The following KIF11 variants were observed in gnomAD, a reference collection of about 807,000 sequenced individuals.
The protein encoded by KIF11 is kinesin family member 11.
KIF11 carries 9 observed loss-of-function variants against 121.0 expected under a neutral mutation model. The ratio of observed to expected loss-of-function variants is 0.07; its 90% CI spans 0.04 to 0.13. The LOEUF is 0.13. KIF11 is among the 10% of genes least tolerant of loss of function. The probability of loss-of-function intolerance (pLI) is 1.00; values close to 1 mark genes in which losing one functional copy is unlikely to be tolerated. For synonymous variants in KIF11, 408 were observed against 421.0 expected, an observed-to-expected ratio of 0.97 and a Z score of 0.38; for missense variants, 846 against 1,217.5, an observed-to-expected ratio of 0.69 and a Z score of 4.54.
At chr10:92,615,277 G>A (rs1315632064) in intron 8 of KIF11, among the ~76,000 whole-genome samples, 3 of 151,852 alleles carry the variant, frequency 2.0e-5, no homozygotes, top group East Asian at 2.0e-4. Context: ...ATGGTGGTGC[G>A]CGCCTGTAAT....
In KIF11 at chr10:92,609,222, G is replaced by T; in HGVS notation, c.573+17G>T. The T allele has an allele frequency of 6.5e-7, 1 of 1,547,968 alleles. No individual in the cohort carries two copies. Among genetic ancestry groups the T allele is most frequent in the Non-Finnish European group, 8.7e-7 (1 of 1,145,318 alleles). On this transcript the variant is annotated intron_variant, in intron 5 of 21. Transcript: ENST00000260731. Reference sequence around the variant, plus strand: ...CGTAACAAGGTAATTCAGTCTTTGAGAATGAAATGTCTCTGAATTTTAATG... The same window carrying T: ...CGTAACAAGGTAATTCAGTCTTTGATAATGAAATGTCTCTGAATTTTAATG...
chr10:92,593,730 T>A (rs1844259319), intron 1 of KIF11, among the ~76,000 whole-genome samples: 1 of 152,232 alleles, frequency 6.6e-6, no homozygotes, highest in Non-Finnish European at 1.5e-5. Flanking sequence ...TATATGCTAC[T>A]TCATGTAGTT....
At chr10:92,639,417 G>A (rs746358540) in intron 16 of KIF11, among the ~76,000 whole-genome samples, 14 of 152,062 alleles carry the variant, frequency 9.2e-5, no homozygotes, top group South Asian at 2.1e-4. Context: ...GCGAGATCAC[G>A]TCTCTACAAA....
At chr10:92,611,608 A>G (rs1449642221) in intron 6 of KIF11, among the ~76,000 whole-genome samples, 1 of 152,150 alleles carries the variant, frequency 6.6e-6, no homozygotes, top group Non-Finnish European at 1.5e-5. Context: ...TTTTATAAAA[A>G]TGATACTTGG....
chr10:92,607,963 T>C (rs1007937911), intron 4 of KIF11, among the ~76,000 whole-genome samples: 1 of 151,858 alleles, frequency 6.6e-6, no homozygotes, highest in African/African-American at 2.4e-5. Flanking sequence ...GAGACCAGCC[T>C]GGCCAACATG....
At chr10:92,633,257 CT>C (rs1227104802) in intron 13 of KIF11, among the ~76,000 whole-genome samples, 2 of 151,802 alleles carry the variant, frequency 1.3e-5, no homozygotes, top group Non-Finnish European at 2.9e-5. Flanking sequence ...TCTAGTCTCA[CT>C]AAGCCAAGCA....
At chr10:92,651,954 C>T (rs1402159339) in intron 21 of KIF11, among the ~76,000 whole-genome samples, 1 of 129,948 alleles carries the variant, frequency 7.7e-6, no homozygotes, top group Non-Finnish European at 1.6e-5. Context: ...GATGCATATG[C>T]TTGTACCTTT....
Position 92,593,336 on chromosome 10 carries a change from A to G in KIF11, c.-40A>G, listed in dbSNP as rs1276590257. ...AGCCCCTCCGCCCCTCACAGCGCCCAGGTCCGCGGCCGGGCCTTGATTTTT... is the reference window on the plus strand; with the variant it reads ...AGCCCCTCCGCCCCTCACAGCGCCCGGGTCCGCGGCCGGGCCTTGATTTTT... On this transcript the variant is annotated 5_prime_UTR_variant, in exon 1 of 22. Coordinates refer to ENST00000260731, the MANE Select transcript of KIF11 (RefSeq NM_004523.4). The G allele has an allele frequency of 3.2e-6, 5 of 1,578,598 alleles. No individual in the cohort carries two copies. Among genetic ancestry groups the G allele is most frequent in the Non-Finnish European group, 4.3e-6 (5 of 1,162,260 alleles).
intron 4 of KIF11, among the ~76,000 whole-genome samples, 187 bp downstream of exon 4, chr10:92,607,424 T>G (rs1391594571): frequency 6.6e-6 from 1 of 152,094 alleles, no homozygotes; most frequent in Non-Finnish European, 1.5e-5. Flanking sequence ...ACAGCCTCAA[T>G]GGAAGAGGAA....
chr10:92,593,392 A>G lies in KIF11; in HGVS notation c.17A>G (p.Asn6Ser). The change falls in exon 1 of 22, where the codon AAT becomes AGT. Residue 6 changes from asparagine (N) to serine (S), a missense_variant. This residue lies in a region of KIF11 where 140 missense variants were observed against 193.5 expected (regional missense o/e 0.72). Transcript: ENST00000260731. The part of the protein sequence containing the change: MASQP[N>S]SSAKKKEEKG... ...GGGACCGTCATGGCGTCGCAGCCAA[A>G]TTCGTCTGCGAAGAAGAAAGAGGAG... 6.2e-7 allele frequency: 1 copy of G among 1,610,102 alleles called. No homozygotes were observed. The highest frequency in any genetic ancestry group is 8.5e-7 in the Non-Finnish European group (1 of 1,178,618).
In KIF11 at chr10:92,593,322, C is replaced by G. The variant is rs1844252043; in HGVS notation, c.-54C>G. The G allele has an allele frequency of 9.0e-6, 14 of 1,551,998 alleles. No homozygotes were observed. The highest frequency in any genetic ancestry group is 2.1e-4 in the Middle Eastern group (1 of 4,766). On this transcript the variant is annotated 5_prime_UTR_variant, in exon 1 of 22. Coordinates refer to ENST00000260731, the MANE Select transcript of KIF11 (RefSeq NM_004523.4). ...CCTGTCGGCCGCCAAGCCCCTCCGC[C>G]CCTCACAGCGCCCAGGTCCGCGGCC...
At chr10:92,611,707 TG>T (rs1844498601) in intron 6 of KIF11, among the ~76,000 whole-genome samples, 1 of 152,002 alleles carries the variant, frequency 6.6e-6, no homozygotes, top group African/African-American at 2.4e-5. Flanking sequence ...AAGACCAGCC[TG>T]GCCAACGTGG....
chr10:92,614,032 ACACACAC>A (rs1844526130), intron 8 of KIF11, among the ~76,000 whole-genome samples: 1 of 64,488 alleles, frequency 1.6e-5, no homozygotes, highest in African/African-American at 3.9e-5. Context: ...ACACACACAC[ACACACAC>A]ACACACACAC....
rs116892801 is a variant in KIF11 at position 92,629,774 on chromosome 10, G to T, written c.1306-402G>T. Reference sequence around the variant, plus strand: ...ACTTCAGGCATGCACTACCATGCCCGGCTAATTATTTTATTTTTTTGTAGA... The same window carrying T: ...ACTTCAGGCATGCACTACCATGCCCTGCTAATTATTTTATTTTTTTGTAGA... On this transcript the variant is annotated intron_variant, in intron 11 of 21. Coordinates refer to ENST00000260731, the MANE Select transcript of KIF11 (RefSeq NM_004523.4). Among the ~76,000 whole-genome samples the T allele has an allele frequency of 3.9e-4, 59 of 152,036 alleles. 1 individual carries two copies. The East Asian group carries it at 0.011, about 28-fold the overall frequency.
At chr10:92,626,911 C>T (rs1312968566) in intron 10 of KIF11, among the ~76,000 whole-genome samples, 1 of 152,110 alleles carries the variant, frequency 6.6e-6, no homozygotes, top group African/African-American at 2.4e-5. Flanking sequence ...AGGTGCCCGC[C>T]ACCACGCCCT....
chr10:92,640,076 G>A (rs1844848868), intron 17 of KIF11, among the ~76,000 whole-genome samples, 176 bp downstream of exon 17: 1 of 151,930 alleles, frequency 6.6e-6, no homozygotes, highest in Admixed American at 6.6e-5. Flanking sequence ...TCTTTTCATT[G>A]CGTATTTGTG....
intron 9 of KIF11, among the ~76,000 whole-genome samples, chr10:92,618,643 C>CAA (rs369094008): frequency 0.031 from 2,731 of 89,420 alleles, 39 homozygotes; most frequent in Admixed American, 0.081. Context: ...GGCTCTGTCT[C>CAA]AAAAAAAAAA....
At chr10:92,629,920 T>A (rs1287413440) in intron 11 of KIF11, among the ~76,000 whole-genome samples, 1 of 152,200 alleles carries the variant, frequency 6.6e-6, no homozygotes, top group Non-Finnish European at 1.5e-5. Context: ...CCAGGCCACA[T>A]TAACACTGTT....
Position 92,613,312 on chromosome 10 carries a change from A to G in KIF11, c.790-65A>G. On this transcript the variant is annotated intron_variant, in intron 7 of 21. Transcript: ENST00000260731. The surrounding 1 kb of genome is among the most constrained non-coding windows in gnomAD (Gnocchi z 4.2). Reference sequence around the variant, plus strand: ...GATTTAATACATTATGTATCCTGTGAGAATGAAAGTCTTTGAATCCAAATC... The same window carrying G: ...GATTTAATACATTATGTATCCTGTGGGAATGAAAGTCTTTGAATCCAAATC... 1 of 1,219,186 alleles carries G rather than the reference A, an allele frequency of 8.2e-7. No homozygotes were observed. The highest frequency in any genetic ancestry group is 1.5e-5 in the South Asian group (1 of 68,726). The allele number at this position is 1,219,186 out of a possible 1,614,324, so 75.5% of individuals were successfully genotyped here. A position where few individuals can be genotyped will look rare whatever the true frequency, so the allele number is the denominator to read the frequency against.
Sources: gnomAD v4.1 joint callset for allele counts (sites outside exome capture counted in the v4.1 genomes callset) on GRCh38, gnomAD v4.1.1 for gene constraint, gnomAD v4.1.1 regional missense constraint, Gnocchi (gnomAD v3.1) non-coding constraint, MANE v1.5 for transcripts, NCBI Gene and HGNC (gene_info 2026-07-23, HGNC 2026-07-21) for gene names.